PCDHA6: variants seen among roughly 807,000 people sequenced by gnomAD.
PCDHA6 encodes the protein protocadherin alpha 6.
PCDHA6 carries 55 observed loss-of-function variants against 60.3 expected under a neutral mutation model. The observed-to-expected ratio is 0.91, with a 90% CI of 0.73 to 1.14. The LOEUF is 1.14. Ranked by LOEUF, PCDHA6 falls within the 50% of genes most tolerant of loss-of-function variation. The pLI, the probability that PCDHA6 is intolerant of heterozygous loss-of-function variation, is 0.00. For missense variants in PCDHA6, 1,327 were observed against 1,256.5 expected (o/e 1.06, Z -0.85); for synonymous variants, 652 against 557.9 (o/e 1.17, Z -2.38).
In PCDHA6 at chr5:140,850,628, G is replaced by A. The variant is rs2150491387; in HGVS notation, c.2394+20143G>A. The stretch of plus-strand genomic sequence containing the variant: ...CCATCTGCGCGGTGTCTAGCCTGTT[G>A]GTTCTCACGCTGCTGCTGTACACTG... On this transcript the variant is annotated intron_variant, in intron 1 of 3. Coordinates refer to ENST00000529310, the MANE Select transcript of PCDHA6 (RefSeq NM_018909.4). 2.4e-5 allele frequency: 38 copies of A among 1,598,590 alleles called. 4 individuals carry two copies. In the Middle Eastern group the frequency reaches 1.3e-3, roughly 56 times the overall value.
intron 1 of PCDHA6, chr5:140,862,937 A>G: frequency 1.8e-6 from 1 of 544,138 alleles, no homozygotes; most frequent in Non-Finnish European, 3.6e-6. Flanking sequence ...CGGCGCTGTG[A>G]GTGAGCTGGT....
intron 1 of PCDHA6, chr5:140,883,186 C>T (rs782501193): frequency 1.4e-5 from 23 of 1,613,822 alleles, no homozygotes; most frequent in African/African-American, 2.7e-5. Context: ...GGACAAAAGG[C>T]AAACTAGATT....
At chr5:140,941,644 C>T (rs1157047813) in intron 1 of PCDHA6, among the ~76,000 whole-genome samples, 2 of 152,034 alleles carry the variant, frequency 1.3e-5, no homozygotes, top group African/African-American at 4.8e-5. Flanking sequence ...TGTCTTCCTA[C>T]AACTTATGTC....
At chr5:140,856,335 G>A in intron 1 of PCDHA6, 1 of 1,598,610 alleles carries the variant, frequency 6.3e-7, no homozygotes, top group Non-Finnish European at 8.6e-7. Context: ...GAGCTGTGCG[G>A]GCGGAGCGTG....
At chr5:140,834,402 T>G in intron 1 of PCDHA6, 1 of 1,606,068 alleles carries the variant, frequency 6.2e-7, no homozygotes, top group East Asian at 2.2e-5. Context: ...CCCGAATGGA[T>G]ACGACCCAGG....
chr5:140,968,184 C>T, intron 1 of PCDHA6: 1 of 1,614,050 alleles, frequency 6.2e-7, no homozygotes, highest in Non-Finnish European at 8.5e-7. Flanking sequence ...CTGGAGGACT[C>T]CTATTCCATC....
intron 1 of PCDHA6, among the ~76,000 whole-genome samples, chr5:140,934,797 T>A (rs1045887352): frequency 6.6e-6 from 1 of 152,236 alleles, no homozygotes; most frequent in African/African-American, 2.4e-5. Context: ...CAATTATCTT[T>A]TTAATGATCA....
At chr5:140,982,711 A>T (rs370595783) in intron 3 of PCDHA6, 148 bp downstream of exon 3, 2 of 1,370,268 alleles carry the variant, frequency 1.5e-6, no homozygotes, top group African/African-American at 2.9e-5. Context: ...TTCCTTACAT[A>T]TATGATTATT....
At chr5:140,848,580 G>C (rs2150413370) in intron 1 of PCDHA6, 5 of 1,595,144 alleles carry the variant, frequency 3.1e-6, no homozygotes, top group African/African-American at 1.3e-5. Context: ...GGTGGGGAGC[G>C]GCCAGCTCCA....
In PCDHA6 at chr5:140,856,671, AGTT is replaced by A. The variant is rs781932565; in HGVS notation, c.2394+26194_2394+26196del. 8 of 1,597,880 alleles carry A rather than the reference AGTT, an allele frequency of 5.0e-6. 1 individual carries two copies. The highest frequency in any genetic ancestry group is 4.5e-5 in the East Asian group (2 of 44,874). The stretch of plus-strand genomic sequence containing the variant: ...GATCGTGAAGAAAATCCTCAGCTAA[AGTT>A]GTTGTTGACAGCAACTGATGGAGGC... On this transcript the variant is annotated intron_variant, in intron 1 of 3. Transcript: ENST00000529310.
At chr5:140,983,621 A>G (rs1271083054) in intron 3 of PCDHA6, among the ~76,000 whole-genome samples, 5 of 152,250 alleles carry the variant, frequency 3.3e-5, no homozygotes, top group African/African-American at 1.2e-4. Flanking sequence ...CAGAGAGATT[A>G]AGAAATGTAC....
chr5:140,830,390 A>T lies in PCDHA6; in HGVS notation c.2299A>T (p.Met767Leu), dbSNP rs1554132803. ...GTGCTCCGGGGAGGGCCCACCCAAG[A>T]TGGATCTCATGGCCTTTAGCCCCAG... Reference protein sequence around the residue: ...RVCSGEGPPKMDLMAFSPSLS... With the variant: ...RVCSGEGPPKLDLMAFSPSLS... The change falls in exon 1 of 4, where the codon ATG becomes TTG. Residue 767 changes from methionine (M) to leucine (L), a missense_variant. Met to Leu is a conservative substitution (Grantham distance 15). Coordinates refer to ENST00000529310, the MANE Select transcript of PCDHA6 (RefSeq NM_018909.4). The T allele has an allele frequency of 1.9e-6, 3 of 1,614,042 alleles. No individual in the cohort carries two copies. The highest frequency in any genetic ancestry group is 2.2e-5 in the East Asian group (1 of 44,888).
Position 140,836,337 on chromosome 5 carries a change from A to G in PCDHA6, c.2394+5852A>G, listed in dbSNP as rs143048298. On this transcript the variant is annotated intron_variant, in intron 1 of 3. Transcript: ENST00000529310. ...GCGCCACCGCCTTCTGGTGCTTGTG[A>G]AGGACCACGGGGAGCCCTCGCTGAC... 1,176 of 1,613,648 alleles carry G rather than the reference A, an allele frequency of 7.3e-4. 14 individuals carry two copies. Among genetic ancestry groups the G allele is most frequent in the Non-Finnish European group, 9.2e-4 (1,082 of 1,179,806 alleles).
chr5:140,938,207 A>G (rs782001361), intron 1 of PCDHA6, among the ~76,000 whole-genome samples: 6 of 152,112 alleles, frequency 3.9e-5, no homozygotes, highest in Non-Finnish European at 8.8e-5. Flanking sequence ...CAGCCTCCCA[A>G]AGTGCTGGGA....
intron 1 of PCDHA6, among the ~76,000 whole-genome samples, chr5:140,961,697 T>A (rs1326642906): frequency 6.6e-6 from 1 of 152,232 alleles, no homozygotes; most frequent in Non-Finnish European, 1.5e-5. Flanking sequence ...GTCCTTAGTA[T>A]GAATGCCTTC....
chr5:140,988,204 AG>A (rs2097287084), intron 3 of PCDHA6, among the ~76,000 whole-genome samples: 1 of 152,100 alleles, frequency 6.6e-6, no homozygotes, highest in South Asian at 2.1e-4. Context: ...TATCCTTATT[AG>A]GAAAAAAAAA....
At chr5:140,944,870 A>T (rs2093703572) in intron 1 of PCDHA6, among the ~76,000 whole-genome samples, 1 of 152,058 alleles carries the variant, frequency 6.6e-6, no homozygotes, top group Non-Finnish European at 1.5e-5. Flanking sequence ...TATCTTAACC[A>T]CCTACTCCAC....
Position 140,885,566 on chromosome 5 carries a change from G to A in PCDHA6, c.2394+55081G>A, listed in dbSNP as rs190303990. On this transcript the variant is annotated intron_variant, in intron 1 of 3. Transcript: ENST00000529310. The stretch of plus-strand genomic sequence containing the variant: ...TGGTGTTATTTCTACGAAATTGATT[G>A]TCAGATGTGGAATTGATGCATCAAA... Among the ~76,000 whole-genome samples, 467 of 152,160 alleles carry A rather than the reference G, an allele frequency of 3.1e-3. 3 individuals carry two copies. The highest frequency in any genetic ancestry group is 0.014 in the Middle Eastern group (4 of 294).
At chr5:140,841,121 A>G in intron 1 of PCDHA6, 1 of 638,688 alleles carries the variant, frequency 1.6e-6, no homozygotes, top group Non-Finnish European at 2.6e-6. Flanking sequence ...TCATGTAATC[A>G]TTACCTTTTG....
Sources: gnomAD v4.1 joint callset for allele counts (sites outside exome capture counted in the v4.1 genomes callset) on GRCh38, gnomAD v4.1.1 for gene constraint, MANE v1.5 for transcripts, NCBI Gene and HGNC (gene_info 2026-07-23, HGNC 2026-07-21) for gene names.